BST1: variants seen among roughly 807,000 people sequenced by gnomAD.
BST1 encodes the protein bone marrow stromal cell antigen 1, also known as ADP-ribosyl cyclase/cyclic ADP-ribose hydrolase 2.
A neutral mutation model predicts 40.6 loss-of-function variants in BST1; 49 were observed. The observed-to-expected ratio is 1.21, with a 90% CI of 0.96 to 1.53. The LOEUF is 1.53. Ranked by LOEUF, BST1 falls within the 40% of genes most tolerant of loss-of-function variation. The probability of loss-of-function intolerance (pLI) is 0.00; values close to 1 mark genes in which losing one functional copy is unlikely to be tolerated. For synonymous variants in BST1, 157 were observed against 159.3 expected (o/e 0.99, Z 0.11); for missense variants, 423 against 395.9 (o/e 1.07, Z -0.58).
At chr4:15,747,578 G>A in the BST1 span, among the ~76,000 whole-genome samples, 89 of 152,298 alleles carry the variant, frequency 5.8e-4, no homozygotes, top group African/African-American at 2.1e-3. Context: ...CATTGTCAGC[G>A]AGCTGTGTTA....
chr4:15,738,674 G>T (rs576380488), downstream of BST1, among the ~76,000 whole-genome samples: 1 of 152,338 alleles, frequency 6.6e-6, no homozygotes, highest in South Asian at 2.1e-4. Context: ...GCTTCCACAC[G>T]ATTGTTACAG....
chr4:15,728,020 T>C (rs1291130829), intron 8 of BST1, among the ~76,000 whole-genome samples: 1 of 151,770 alleles, frequency 6.6e-6, no homozygotes, highest in Non-Finnish European at 1.5e-5. Context: ...TAGGTTATAA[T>C]ATTGGCCAAA....
downstream of BST1, among the ~76,000 whole-genome samples, chr4:15,736,600 A>T (rs575608818): frequency 2.7e-5 from 4 of 145,696 alleles, no homozygotes; most frequent in East Asian, 8.1e-4. Flanking sequence ...ATAGAGTGAG[A>T]CTCTGTCTCC....
At chr4:15,720,782 C>T (rs1469667807) in intron 7 of BST1, among the ~76,000 whole-genome samples, 2 of 152,028 alleles carry the variant, frequency 1.3e-5, no homozygotes, top group South Asian at 4.1e-4. Context: ...CAGAGCAGGA[C>T]CTGGTCTCAA....
At chr4:15,762,172 G>A in the BST1 span, among the ~76,000 whole-genome samples, 3 of 130,484 alleles carry the variant, frequency 2.3e-5, no homozygotes, top group Non-Finnish European at 4.7e-5. Context: ...CTGGGCGACG[G>A]AGTGAGACTC....
chr4:15,768,512 A>T, the BST1 span, among the ~76,000 whole-genome samples: 1 of 105,530 alleles, frequency 9.5e-6, no homozygotes. Context: ...TTTGAGACGG[A>T]GTCTCACTCT....
intron 8 of BST1, among the ~76,000 whole-genome samples, chr4:15,726,869 A>G: frequency 7.7e-6 from 1 of 129,612 alleles, no homozygotes; most frequent in East Asian, 2.3e-4. Context: ...TTTCCTCGGT[A>G]TTTTTTTTTT....
At chr4:15,771,264 T>C in the BST1 span, among the ~76,000 whole-genome samples, 1 of 152,290 alleles carries the variant, frequency 6.6e-6, no homozygotes, top group East Asian at 1.9e-4. Context: ...TGCACCTATT[T>C]TACAGATGAG....
chr4:15,718,324 T>C (rs1360374926), intron 6 of BST1, among the ~76,000 whole-genome samples: 2 of 151,808 alleles, frequency 1.3e-5, no homozygotes, highest in African/African-American at 4.8e-5. Flanking sequence ...ACAAAACACA[T>C]TGGATAGCAG....
At chr4:15,767,806 A>T in the BST1 span, among the ~76,000 whole-genome samples, 5 of 151,552 alleles carry the variant, frequency 3.3e-5, no homozygotes, top group East Asian at 9.7e-4. Flanking sequence ...TTTTTAGTAG[A>T]GATGGAATTT....
chr4:15,770,580 C>T, the BST1 span, among the ~76,000 whole-genome samples: 1 of 152,078 alleles, frequency 6.6e-6, no homozygotes, highest in African/African-American at 2.4e-5. Context: ...TGGCACGTGC[C>T]TCCCAGCTAC....
chr4:15,731,084 TACAC>T (rs1257859453), intron 8 of BST1: 1 of 477,926 alleles, frequency 2.1e-6, no homozygotes, highest in Admixed American at 2.6e-5. Context: ...AGGTGACTGT[TACAC>T]ACAAGCTCAT....
intron 2 of BST1, 21 bp from the exon 3 acceptor site, chr4:15,707,490 G>A (rs776519833): frequency 1.3e-6 from 2 of 1,592,326 alleles, no homozygotes; most frequent in African/African-American, 1.3e-5. Context: ...GTATTTTGAT[G>A]TTTTGTTTGT....
At chr4:15,739,209 G>A (rs115524476), downstream of BST1, among the ~76,000 whole-genome samples, 2,584 of 152,270 alleles carry the variant, frequency 0.017, 86 homozygotes, top group African/African-American at 0.059. Flanking sequence ...AACCAATGAA[G>A]CAGGTTGGAA....
chr4:15,731,673 T>C, intron 8 of BST1, 67 bp from the exon 9 acceptor site: 3 of 1,531,152 alleles, frequency 2.0e-6, no homozygotes, highest in South Asian at 2.4e-5. Context: ...ATACTGCACA[T>C]ATATTTTTGA....
At chr4:15,728,190 A>G (rs1389357220) in intron 8 of BST1, among the ~76,000 whole-genome samples, 1 of 152,130 alleles carries the variant, frequency 6.6e-6, no homozygotes, top group Non-Finnish European at 1.5e-5. Flanking sequence ...GGCCACAGAG[A>G]CAGGACTACT....
intron 3 of BST1, among the ~76,000 whole-genome samples, chr4:15,708,880 A>G (rs1214391339): frequency 6.6e-6 from 1 of 152,144 alleles, no homozygotes; most frequent in Non-Finnish European, 1.5e-5. Flanking sequence ...GACTCGGCAC[A>G]CACAAAAAAA....
the BST1 span, among the ~76,000 whole-genome samples, chr4:15,747,589 T>C: frequency 2.6e-5 from 4 of 152,232 alleles, no homozygotes; most frequent in Non-Finnish European, 4.4e-5. Context: ...AGCTGTGTTA[T>C]TCTATGTCAT....
At chr4:15,739,497 A>T (rs987114883), downstream of BST1, among the ~76,000 whole-genome samples, 10 of 151,858 alleles carry the variant, frequency 6.6e-5, no homozygotes, top group African/African-American at 2.4e-4. Flanking sequence ...GAATTACCCA[A>T]ACTCTTCACT....
Sources: allele counts gnomAD v4.1 joint callset (sites outside exome capture counted in the v4.1 genomes callset), GRCh38; gene constraint gnomAD v4.1.1; transcripts MANE v1.5; gene names NCBI Gene and HGNC (gene_info 2026-07-23, HGNC 2026-07-21).